FOXN3: variants seen among roughly 807,000 people sequenced by gnomAD.
FOXN3 encodes the protein forkhead box protein N3.
A neutral mutation model predicts 38.4 loss-of-function variants in FOXN3; 7 were observed. The observed-to-expected ratio is 0.18, with a 90% CI of 0.10 to 0.34. FOXN3 has a LOEUF of 0.34. FOXN3 is among the 10% of genes least tolerant of loss of function. The pLI is 1.00. For missense variants in FOXN3, 456 were observed against 613.4 expected, an observed-to-expected ratio of 0.74 and a Z score of 2.71; for synonymous variants, 230 against 242.2, an observed-to-expected ratio of 0.95 and a Z score of 0.47.
At chr14:89,399,991 G>A (rs12889400) in intron 2 of FOXN3, 56,504 of 152,136 alleles carry the variant, frequency 0.37, 13,068 homozygotes, top group Admixed American at 0.52. Context: ...CCATGGGTTA[G>A]GGGGCTTTGC....
At chr14:89,586,003 C>T (rs1445179289) in intron 1 of FOXN3, among the ~76,000 whole-genome samples, 1 of 151,940 alleles carries the variant, frequency 6.6e-6, no homozygotes, top group Non-Finnish European at 1.5e-5. Flanking sequence ...GAGATGGGAT[C>T]GTAGCCCATC....
At chr14:89,472,908 C>T (rs75982751) in intron 1 of FOXN3, among the ~76,000 whole-genome samples, 3,083 of 152,232 alleles carry the variant, frequency 0.02, 91 homozygotes, top group African/African-American at 0.071. Context: ...TAATTTATCA[C>T]CAATTCCTTT....
chr14:89,343,487 A>AT (rs1179985539), intron 3 of FOXN3, among the ~76,000 whole-genome samples: 2 of 14,236 alleles, frequency 1.4e-4, no homozygotes, highest in East Asian at 5.1e-3. Context: ...AGACATTTAA[A>AT]TTAAAAAAAA....
intron 2 of FOXN3, among the ~76,000 whole-genome samples, chr14:89,396,129 T>C (rs1339997083): frequency 1.3e-5 from 2 of 152,196 alleles, no homozygotes; most frequent in South Asian, 2.1e-4. Flanking sequence ...CAAAAATTTA[T>C]AGGTTAAAGC....
At chr14:89,197,999 C>A (rs1038879588) in intron 4 of FOXN3, among the ~76,000 whole-genome samples, 2 of 152,148 alleles carry the variant, frequency 1.3e-5, no homozygotes, top group East Asian at 3.9e-4. Flanking sequence ...ATTAATTAAC[C>A]CCCTACAATG....
At position 89,616,396 on chromosome 14, in the gene FOXN3, A is replaced by C. The variant is rs370766599; in HGVS notation, c.-15+2632T>G. 2.6e-3 allele frequency among the ~76,000 whole-genome samples: 398 copies of C among 152,328 alleles called. 1 individual carries two copies. Among genetic ancestry groups the C allele is most frequent in the Admixed American group, 4.6e-3 (70 of 15,302 alleles). On this transcript the variant is annotated intron_variant, in intron 1 of 6. Transcript: ENST00000345097. ...TATTTAAGTCAACTGGGTAATAATA[A>C]TGGGATTTTTGAAACAGTTCTTATT...
chr14:89,573,968 C>T (rs1279414232), intron 1 of FOXN3, among the ~76,000 whole-genome samples: 1 of 152,070 alleles, frequency 6.6e-6, no homozygotes, highest in Non-Finnish European at 1.5e-5. Context: ...GAGGTCGAGG[C>T]TGCAGTGAGC....
Position 89,417,213 on chromosome 14 carries a change from A to C in FOXN3, c.-357T>G, listed in dbSNP as rs1328207446. ...AGCGGCGAGAAATTGTTTCCACTGC[A>C]AACAAAAAAAGGCGACACATGACCA... On this transcript the variant is annotated 5_prime_UTR_variant, in exon 1 of 6. Coordinates refer to ENST00000557258, the MANE Select transcript of FOXN3 (RefSeq NM_005197.4). 1 of 145,904 alleles carries C rather than the reference A, an allele frequency of 6.9e-6. No individual in the cohort carries two copies. The highest frequency in any genetic ancestry group is 1.5e-5 in the Non-Finnish European group (1 of 65,632). The allele number at this position is 145,904 out of a possible 1,614,324, so 9.0% of individuals were successfully genotyped here. A position where few individuals can be genotyped will look rare whatever the true frequency, so the allele number is the denominator to read the frequency against.
At chr14:89,437,867 A>C (rs1245723897) in intron 1 of FOXN3, among the ~76,000 whole-genome samples, 1 of 152,214 alleles carries the variant, frequency 6.6e-6, no homozygotes, top group Non-Finnish European at 1.5e-5. Flanking sequence ...GGGGGTCAGG[A>C]CTAGAACCCT....
At chr14:89,283,478 T>C (rs913382868) in intron 3 of FOXN3, among the ~76,000 whole-genome samples, 1 of 152,190 alleles carries the variant, frequency 6.6e-6, no homozygotes, top group East Asian at 1.9e-4. Flanking sequence ...AAGCTTAAAG[T>C]TGGTTAAAAC....
intron 2 of FOXN3, among the ~76,000 whole-genome samples, chr14:89,383,700 G>A (rs11850236): frequency 0.068 from 10,286 of 152,052 alleles, 703 homozygotes; most frequent in African/African-American, 0.18. Context: ...CCTCGTAAGG[G>A]ACGCTAGTCA....
At chr14:89,579,270 C>T (rs189859489) in intron 1 of FOXN3, among the ~76,000 whole-genome samples, 1 of 151,694 alleles carries the variant, frequency 6.6e-6, no homozygotes, top group Admixed American at 6.6e-5. Flanking sequence ...CCCACCTCAG[C>T]CTCCTGAGTA....
At chr14:89,362,953 G>T (rs975699653) in intron 2 of FOXN3, among the ~76,000 whole-genome samples, 1 of 152,140 alleles carries the variant, frequency 6.6e-6, no homozygotes, top group African/African-American at 2.4e-5. Flanking sequence ...AACAGCACAG[G>T]AGTTGGGCAG....
intron 1 of FOXN3, among the ~76,000 whole-genome samples, chr14:89,438,585 C>T (rs1202586385): frequency 6.6e-6 from 1 of 152,056 alleles, no homozygotes; most frequent in Non-Finnish European, 1.5e-5. Flanking sequence ...AATATATAGC[C>T]TAAAATATGT....
chr14:89,203,808 G>C (rs942819629), intron 4 of FOXN3, among the ~76,000 whole-genome samples: 7 of 151,952 alleles, frequency 4.6e-5, no homozygotes, highest in African/African-American at 1.5e-4. Flanking sequence ...CCAGTCTGAC[G>C]GTCCTCATCC....
At chr14:89,502,182 A>G (rs1241426443) in intron 1 of FOXN3, among the ~76,000 whole-genome samples, 3 of 152,226 alleles carry the variant, frequency 2.0e-5, no homozygotes, top group Non-Finnish European at 4.4e-5. Flanking sequence ...AATAAAAAAT[A>G]AAAACACTAA....
chr14:89,409,865 C>T (rs939721171), intron 2 of FOXN3, among the ~76,000 whole-genome samples: 7 of 152,202 alleles, frequency 4.6e-5, no homozygotes, highest in East Asian at 1.9e-4. Context: ...ACCTGAGATA[C>T]GGAGGGAAGG....
intron 4 of FOXN3, among the ~76,000 whole-genome samples, chr14:89,252,118 T>C (rs1250994621): frequency 1.3e-5 from 2 of 152,180 alleles, no homozygotes; most frequent in Non-Finnish European, 2.9e-5. Context: ...CCCTACAAAG[T>C]AGTGATTCTT....
intron 3 of FOXN3, among the ~76,000 whole-genome samples, chr14:89,316,320 G>C (rs564598902): frequency 7.0e-4 from 107 of 152,168 alleles, no homozygotes; most frequent in African/African-American, 2.4e-3. Flanking sequence ...ACAAGGAATA[G>C]AGATGAGCCA....
Sources: allele counts gnomAD v4.1 joint callset (sites outside exome capture counted in the v4.1 genomes callset), GRCh38; gene constraint gnomAD v4.1.1; transcripts MANE v1.5; gene names NCBI Gene and HGNC (gene_info 2026-07-23, HGNC 2026-07-21).